The following CSN1S1 variants were observed in gnomAD, a reference collection of about 807,000 sequenced individuals.
CSN1S1 encodes casein alpha s1.
CSN1S1 carries 63 observed loss-of-function variants against 49.1 expected under a neutral mutation model. That is an observed-to-expected ratio of 1.28 (90% CI 1.05 to 1.58). The LOEUF (loss-of-function observed/expected upper bound fraction) is 1.58, where lower values mean the gene tolerates loss of function less well. Among genes scored for constraint, CSN1S1 ranks in the 40% most tolerant of loss-of-function variants. CSN1S1 has a pLI of 0.00. For missense variants in CSN1S1, 260 were observed against 224.7 expected (o/e 1.16, Z -1.01); for synonymous variants, 78 against 67.1 (o/e 1.16, Z -0.79).
chr4:69,936,020 G>C, intron 5 of CSN1S1, 71 bp downstream of exon 5: 1 of 1,155,274 alleles, frequency 8.7e-7, no homozygotes, highest in Non-Finnish European at 1.2e-6. Context: ...AGGAGACTCA[G>C]AACAGTGCCT....
At position 69,937,048 on chromosome 4, in the gene CSN1S1, C is replaced by T. The variant is rs1436195442; in HGVS notation, c.196-73C>T. ...AGAATTGGTATTGAGAGAGCAGGTGCTCAAACTTTATGAGATAAAATATAT... is the reference window on the plus strand; with the variant it reads ...AGAATTGGTATTGAGAGAGCAGGTGTTCAAACTTTATGAGATAAAATATAT... On this transcript the variant is annotated intron_variant, in intron 7 of 15. Transcript: ENST00000246891. 5.5e-6 allele frequency: 7 copies of T among 1,273,566 alleles called. No homozygotes were observed. In the East Asian group the frequency reaches 1.3e-4, roughly 23 times the overall value. 78.9% of individuals were successfully genotyped at this position (1,273,566 alleles called of 1,614,324 possible). A position where few individuals can be genotyped will look rare whatever the true frequency, so the allele number is the denominator to read the frequency against.
chr4:69,932,917 A>T (rs1378149742), intron 2 of CSN1S1, among the ~76,000 whole-genome samples: 1 of 152,024 alleles, frequency 6.6e-6, no homozygotes, highest in African/African-American at 2.4e-5. Flanking sequence ...GCAACAAACA[A>T]TGTGATTAGG....
At chr4:69,935,773 A>G (rs927551432) in intron 4 of CSN1S1, among the ~76,000 whole-genome samples, 153 bp from the exon 5 acceptor site, 4 of 152,172 alleles carry the variant, frequency 2.6e-5, no homozygotes, top group Non-Finnish European at 5.9e-5. Context: ...AATGCTCTTA[A>G]CTATAAATAA....
At chr4:69,937,970 T>A (rs1393055596) in intron 9 of CSN1S1, 147 bp downstream of exon 9, 2 of 490,486 alleles carry the variant, frequency 4.1e-6, no homozygotes, top group Non-Finnish European at 7.0e-6. Flanking sequence ...TTTAAATTAA[T>A]CCTATTCTAA....
chr4:69,942,649 C>G, intron 14 of CSN1S1, 72 bp downstream of exon 14: 3 of 1,176,744 alleles, frequency 2.5e-6, no homozygotes, highest in Non-Finnish European at 3.7e-6. Flanking sequence ...TCTTAAATAG[C>G]CCCCTACTCT....
At chr4:69,936,050 G>A (rs1560386864) in intron 5 of CSN1S1, 101 bp downstream of exon 5, 5 of 919,174 alleles carry the variant, frequency 5.4e-6, no homozygotes, top group Non-Finnish European at 6.7e-6. Flanking sequence ...TGAAAGTCAA[G>A]GATAACAAAT....
At chr4:69,939,934 G>A (rs1032440973) in intron 10 of CSN1S1, 87 bp from the exon 11 acceptor site, 1 of 766,370 alleles carries the variant, frequency 1.3e-6, no homozygotes, top group Non-Finnish European at 2.1e-6. Context: ...CAATTATTTA[G>A]TAATAGTTTT....
At chr4:69,937,740 T>C in intron 8 of CSN1S1, 60 bp from the exon 9 acceptor site, 1 of 1,286,452 alleles carries the variant, frequency 7.8e-7, no homozygotes, top group Non-Finnish European at 1.1e-6. Context: ...TGGTAATCAT[T>C]ACTTTTGTAT....
At chr4:69,940,185 G>A (rs1722930912) in intron 11 of CSN1S1, 141 bp downstream of exon 11, 3 of 406,208 alleles carry the variant, frequency 7.4e-6, no homozygotes, top group African/African-American at 2.1e-5. Context: ...ATCTGGAAAG[G>A]TGGCATTAAA....
At chr4:69,945,110 C>A in intron 15 of CSN1S1, 106 bp downstream of exon 15, 2 of 1,176,378 alleles carry the variant, frequency 1.7e-6, no homozygotes, top group African/African-American at 1.5e-5. Context: ...CATGGCAAAT[C>A]AATGCCTACT....
intron 2 of CSN1S1, among the ~76,000 whole-genome samples, chr4:69,932,827 T>G (rs1247036376): frequency 6.6e-6 from 1 of 151,910 alleles, no homozygotes; most frequent in Non-Finnish European, 1.5e-5. Context: ...CTGACTTGAA[T>G]TATAAGCACC....
chr4:69,942,511 T>C (rs750287177), intron 13 of CSN1S1, 25 bp from the exon 14 acceptor site: 1 of 1,558,164 alleles, frequency 6.4e-7, no homozygotes, highest in South Asian at 1.2e-5. Flanking sequence ...TCTAAGTAAT[T>C]TAGAATGTGT....
chr4:69,937,449 T>G (rs1370499281), intron 8 of CSN1S1, among the ~76,000 whole-genome samples: 1 of 150,270 alleles, frequency 6.7e-6, no homozygotes, highest in Non-Finnish European at 1.5e-5. Context: ...AGTGCTCTCC[T>G]TTAGTCCAGT....
chr4:69,946,099 G>C (rs955754044), intron 15 of CSN1S1, 97 bp from the exon 16 acceptor site: 1 of 370,852 alleles, frequency 2.7e-6, no homozygotes, highest in Non-Finnish European at 5.2e-6. Flanking sequence ...TGTCTAATAC[G>C]AAGAGAAAAT....
rs1186841139 is a variant in CSN1S1 at position 69,935,934 on chromosome 4, A to G, written c.114A>G (p.Pro38=). Reference sequence around the variant, plus strand: ...AACTTTTTTTTTTGTAGCCTATACCATTAGAATCAAGAGAGGTAAGAATGA... The same window carrying G: ...AACTTTTTTTTTTGTAGCCTATACCGTTAGAATCAAGAGAGGTAAGAATGA... ...QNPSESSEPI[P]LESREEYMNG... The change falls in exon 5 of 16, where the codon CCA becomes CCG. Residue 38 remains proline, a synonymous_variant. Transcript: ENST00000246891. 3.9e-6 allele frequency: 6 copies of G among 1,534,678 alleles called. No individual in the cohort carries two copies. The African/African-American group carries it at 4.1e-5, about 11-fold the overall frequency.
Position 69,945,021 on chromosome 4 carries a change from T to C in CSN1S1, c.557+17T>C, listed in dbSNP as rs1159472041. 1 of 1,610,520 alleles carries C rather than the reference T, an allele frequency of 6.2e-7. No individual in the cohort carries two copies. Among genetic ancestry groups the C allele is most frequent in the South Asian group, 1.1e-5 (1 of 91,002 alleles). On this transcript the variant is annotated intron_variant, in intron 15 of 15. Transcript: ENST00000246891. ...ACAGTGGTGGTAAGTTCATTTAAAT[T>C]ACTACATCTTGATGTTCTACCAAAG...
chr4:69,943,004 G>C (rs1723024185), intron 14 of CSN1S1, among the ~76,000 whole-genome samples: 1 of 147,364 alleles, frequency 6.8e-6, no homozygotes. Flanking sequence ...ACTAGAGAAA[G>C]AAACTTTTAG....
In CSN1S1 at chr4:69,932,497, T is replaced by C. The variant is rs895367399; in HGVS notation, c.-12-47T>C. ...TCAAGAATTTTTTTCAGGAAACAAA[T>C]TTAACGTAATAATATCTAACTCTTT... On this transcript the variant is annotated intron_variant, in intron 1 of 15. Transcript: ENST00000246891. 6.9e-5 allele frequency: 104 copies of C among 1,504,590 alleles called. No individual in the cohort carries two copies. The East Asian group carries it at 2.5e-3, about 36-fold the overall frequency. 93.2% of individuals were successfully genotyped at this position (1,504,590 alleles called of 1,614,324 possible). A position where few individuals can be genotyped will look rare whatever the true frequency, so the allele number is the denominator to read the frequency against.
At chr4:69,942,914 A>G (rs1723020552) in intron 14 of CSN1S1, among the ~76,000 whole-genome samples, 1 of 151,132 alleles carries the variant, frequency 6.6e-6, no homozygotes, top group Non-Finnish European at 1.5e-5. Flanking sequence ...TCTCTTGTCC[A>G]TTAATGATTC....
Sources: allele counts gnomAD v4.1 joint callset (sites outside exome capture counted in the v4.1 genomes callset), GRCh38; gene constraint gnomAD v4.1.1; transcripts MANE v1.5; gene names NCBI Gene and HGNC (gene_info 2026-07-23, HGNC 2026-07-21).